Variants in LNPK observed in about 807,000 individuals in gnomAD.
LNPK encodes endoplasmic reticulum junction formation protein lunapark.
LNPK carries 29 observed loss-of-function variants against 55.2 expected under a neutral mutation model. That is an observed-to-expected ratio of 0.53 (90% confidence interval 0.39 to 0.72). The LOEUF (loss-of-function observed/expected upper bound fraction) is 0.72. LNPK is among the 30% of genes least tolerant of loss of function. The probability of loss-of-function intolerance (pLI) is 0.00; values close to 1 mark genes in which losing one functional copy is unlikely to be tolerated. For missense variants in LNPK, 467 were observed against 494.8 expected (o/e 0.94, Z 0.53); for synonymous variants, 162 against 168.2 (o/e 0.96, Z 0.29).
chr2:175,934,126 C>G (rs1684425869), intron 12 of LNPK, among the ~76,000 whole-genome samples: 1 of 152,094 alleles, frequency 6.6e-6, no homozygotes. Context: ...GTGTCTAAAA[C>G]AAACATGCAA....
At chr2:175,949,396 T>G (rs571971596) in intron 8 of LNPK, among the ~76,000 whole-genome samples, 5 of 152,120 alleles carry the variant, frequency 3.3e-5, no homozygotes, top group Non-Finnish European at 7.4e-5. Context: ...TATTAGGATT[T>G]GATAATTTAA....
intron 6 of LNPK, 76 bp downstream of exon 6, chr2:175,970,688 C>T: frequency 2.5e-6 from 2 of 809,060 alleles, no homozygotes; most frequent in Non-Finnish European, 3.4e-6. Context: ...GAGTTATTAA[C>T]TTCCAACACA....
intron 8 of LNPK, among the ~76,000 whole-genome samples, chr2:175,959,507 AT>A (rs777823616): frequency 2.0e-5 from 3 of 152,226 alleles, no homozygotes; most frequent in Non-Finnish European, 4.4e-5. Flanking sequence ...AGACAAGCAA[AT>A]GCTGAGAGAC....
chr2:175,932,277 G>T (rs1184077398), intron 12 of LNPK: 8 of 426,288 alleles, frequency 1.9e-5, no homozygotes, highest in African/African-American at 1.0e-4. Flanking sequence ...AAATTCTGGG[G>T]CCACAAAGAA....
chr2:175,939,281 T>C (rs1900331), intron 10 of LNPK, among the ~76,000 whole-genome samples: 80,213 of 151,992 alleles, frequency 0.53, 21,945 homozygotes, highest in African/African-American at 0.66. Flanking sequence ...TGTTTTTGCT[T>C]TTTAAGTTTA....
chr2:175,931,187 T>C (rs1684265922), intron 12 of LNPK, among the ~76,000 whole-genome samples: 1 of 152,278 alleles, frequency 6.6e-6, no homozygotes, highest in South Asian at 2.1e-4. Context: ...ACCATATCAG[T>C]TGAGAAAAAA....
chr2:175,938,373 T>G lies in LNPK; in HGVS notation c.823A>C (p.Ile275Leu), dbSNP rs1360014005. 6.3e-7 allele frequency: 1 copy of G among 1,595,236 alleles called. No homozygotes were observed. The highest frequency in any genetic ancestry group is 8.6e-7 in the Non-Finnish European group (1 of 1,164,758). The change falls in exon 11 of 13, where the codon ATA (isoleucine) becomes CTA (leucine). Residue 275 changes from isoleucine (I) to leucine (L), a missense_variant. Physicochemically the swap from Ile to Leu is conservative, Grantham distance 5 (BLOSUM62 2). Transcript: ENST00000272748. ...GDGPQNRYAL[I>L]CQQCFSHNGM... ...TTATGAGAAAAACACTGCTGACATA[T>G]AAGTGCATACCTACACCGTAAGGAA...
At chr2:175,996,125 T>C (rs1687923404) in intron 1 of LNPK, among the ~76,000 whole-genome samples, 1 of 152,134 alleles carries the variant, frequency 6.6e-6, no homozygotes, top group African/African-American at 2.4e-5. Context: ...GCCCACCTTT[T>C]AAAAATCCAT....
chr2:175,943,433 C>T (rs1055797270), intron 9 of LNPK, among the ~76,000 whole-genome samples: 2 of 151,632 alleles, frequency 1.3e-5, no homozygotes, highest in Non-Finnish European at 3.0e-5. Context: ...ATAACAAAAC[C>T]AGACAAAGAT....
intron 12 of LNPK, among the ~76,000 whole-genome samples, chr2:175,931,319 A>G (rs372268387): frequency 9.2e-5 from 14 of 152,306 alleles, no homozygotes; most frequent in African/African-American, 3.4e-4. Flanking sequence ...TTGTATAATA[A>G]AGGTCAGTTT....
At chr2:175,943,929 TATA>T (rs1684990095) in intron 9 of LNPK, among the ~76,000 whole-genome samples, 1 of 152,032 alleles carries the variant, frequency 6.6e-6, no homozygotes, top group Non-Finnish European at 1.5e-5. Context: ...TTATAGCTCA[TATA>T]ATAAGGTAAG....
intron 4 of LNPK, among the ~76,000 whole-genome samples, chr2:175,988,580 T>C (rs550476916): frequency 6.6e-6 from 1 of 152,090 alleles, no homozygotes; most frequent in African/African-American, 2.4e-5. Flanking sequence ...TATAACTATG[T>C]TGACTTCTTT....
At position 175,976,626 on chromosome 2, in the gene LNPK, T is replaced by G. The variant is rs559504414; in HGVS notation, c.316+3184A>C. Among the ~76,000 whole-genome samples the G allele has an allele frequency of 2.0e-5, 3 of 152,288 alleles. No homozygotes were observed. In the South Asian group the frequency reaches 6.2e-4, roughly 32 times the overall value. On this transcript the variant is annotated intron_variant, in intron 5 of 12. Coordinates refer to ENST00000272748, the MANE Select transcript of LNPK (RefSeq NM_030650.3). The stretch of plus-strand genomic sequence containing the variant: ...CTGAAGGCCTGAATAGAACAAAAAG[T>G]TTGCTTCTCCCTCCAGTGAGTGAGA...
intron 1 of LNPK, among the ~76,000 whole-genome samples, chr2:176,000,957 C>T (rs918627985): frequency 6.6e-6 from 1 of 152,064 alleles, no homozygotes; most frequent in African/African-American, 2.4e-5. Context: ...CAAAAAATTA[C>T]TATTTGATTA....
At chr2:175,960,822 T>C (rs1427860687) in intron 8 of LNPK, among the ~76,000 whole-genome samples, 2 of 151,670 alleles carry the variant, frequency 1.3e-5, no homozygotes, top group Non-Finnish European at 2.9e-5. Flanking sequence ...GCAAGACTAG[T>C]AAAGAAGAAA....
rs1445976064 is a variant in LNPK, at chr2:175,924,513, C to T, written c.*5454G>A. The stretch of plus-strand genomic sequence containing the variant: ...TTTTAAATAACCTTAAATGCTGACA[C>T]CAACATTGAGAGGCAGTGTAAAATT... On this transcript the variant is annotated 3_prime_UTR_variant, in exon 13 of 13. Coordinates refer to ENST00000272748, the MANE Select transcript of LNPK (RefSeq NM_030650.3). 2.0e-5 allele frequency: 3 copies of T among 152,004 alleles called. No homozygotes were observed. Among genetic ancestry groups the T allele is most frequent in the Non-Finnish European group, 4.4e-5 (3 of 67,994 alleles). The allele number at this position is 152,004 out of a possible 1,614,324, so 9.4% of individuals were successfully genotyped here.
intron 4 of LNPK, among the ~76,000 whole-genome samples, 186 bp downstream of exon 4, chr2:175,992,045 T>C (rs779100069): frequency 5.9e-5 from 9 of 152,116 alleles, no homozygotes; most frequent in African/African-American, 9.7e-5. Context: ...CTCAGGTATA[T>C]TGGATTACAA....
intron 8 of LNPK, among the ~76,000 whole-genome samples, chr2:175,963,543 T>G (rs1239516192): frequency 6.6e-6 from 1 of 151,958 alleles, no homozygotes; most frequent in African/African-American, 2.4e-5. Context: ...CATCACACTC[T>G]GGGGACTGTT....
At chr2:175,961,401 TG>T (rs1360806597) in intron 8 of LNPK, among the ~76,000 whole-genome samples, 2 of 152,136 alleles carry the variant, frequency 1.3e-5, no homozygotes, top group African/African-American at 4.8e-5. Flanking sequence ...GTTCAACATA[TG>T]CAAATCAATA....
Sources: allele counts gnomAD v4.1 joint callset (sites outside exome capture counted in the v4.1 genomes callset), GRCh38; gene constraint gnomAD v4.1.1; transcripts MANE v1.5; gene names NCBI Gene and HGNC (gene_info 2026-07-23, HGNC 2026-07-21).